Variants in TNR observed in about 807,000 individuals in gnomAD.
The protein encoded by TNR is tenascin R, also known as tenascin-R.
Under a neutral mutation model 150.4 loss-of-function variants are expected in TNR, and 45 were observed. That is an observed-to-expected ratio of 0.30 (90% CI 0.24 to 0.38). The LOEUF (loss-of-function observed/expected upper bound fraction) is 0.38, where lower values mean the gene tolerates loss of function less well. Among genes scored for constraint, TNR ranks in the 10% least tolerant of loss-of-function variants. TNR has a pLI of 1.00. For missense variants in TNR, 1,544 were observed against 1,759.1 expected, an observed-to-expected ratio of 0.88 and a Z score of 2.19; for synonymous variants, 687 against 678.4, an observed-to-expected ratio of 1.01 and a Z score of -0.20.
rs139726183 is a variant in TNR, at chr1:175,440,478, G to A, written c.-63-33701C>T. ...CAACATGGCACATGTATATACATAT[G>A]TAACAAACCTGTATGTTGTGCACAT... On this transcript the variant is annotated intron_variant, in intron 2 of 22. Coordinates refer to ENST00000367674, the MANE Select transcript of TNR (RefSeq NM_003285.3). Among the ~76,000 whole-genome samples the A allele has an allele frequency of 9.5e-3, 1,447 of 151,678 alleles. 39 individuals carry two copies. The highest frequency in any genetic ancestry group is 0.033 in the African/African-American group (1,368 of 41,252).
At chr1:175,509,291 G>A (rs1437480335) in intron 2 of TNR, among the ~76,000 whole-genome samples, 6 of 152,304 alleles carry the variant, frequency 3.9e-5, no homozygotes, top group South Asian at 2.1e-4. Context: ...ACCTGGTGAA[G>A]TTACTTAAGC....
At chr1:175,699,884 G>C (rs59878906) in intron 1 of TNR, among the ~76,000 whole-genome samples, 7,917 of 151,956 alleles carry the variant, frequency 0.052, 284 homozygotes, top group African/African-American at 0.09. Context: ...CTCCCTTCCT[G>C]GTATTTGTAT....
rs571566418 is a variant in TNR at position 175,366,516 on chromosome 1, C to A, written c.2054-378G>T. 2.6e-5 allele frequency among the ~76,000 whole-genome samples: 4 copies of A among 152,328 alleles called. No individual in the cohort carries two copies. The South Asian group carries it at 8.3e-4, about 32-fold the overall frequency. On this transcript the variant is annotated intron_variant, in intron 10 of 22. Transcript: ENST00000367674. ...GATATGCCATTCCTGGCAACAGAAG[C>A]GCACCACCCTCCAACCCTGAGGCTA...
In TNR at chr1:175,396,545, G is replaced by C; in HGVS notation, c.1239C>G (p.Thr413=). The change falls in exon 5 of 23, where the codon ACC becomes ACG. Residue 413 remains threonine, a splice_region_variant and synonymous_variant. Coordinates refer to ENST00000367674, the MANE Select transcript of TNR (RefSeq NM_003285.3). ...GCAGGACGGGGAAATGGTACGTACGGGTGGCCACCTTGGCAGTGATGGGAA... is the reference window on the plus strand; with the variant it reads ...GCAGGACGGGGAAATGGTACGTACGCGTGGCCACCTTGGCAGTGATGGGAA... ...LSLPITAKVA[T]HLSTPQGLQF... is the part of the protein sequence containing the mutation. The C allele has an allele frequency of 1.2e-6, 2 of 1,613,494 alleles. No homozygotes were observed. The highest frequency in any genetic ancestry group is 1.7e-6 in the Non-Finnish European group (2 of 1,179,504).
At chr1:175,419,006 A>G (rs754777144) in intron 2 of TNR, among the ~76,000 whole-genome samples, 2 of 152,236 alleles carry the variant, frequency 1.3e-5, no homozygotes, top group Admixed American at 1.3e-4. Flanking sequence ...CCTGAAAAAC[A>G]TAAAAGATTT....
chr1:175,456,700 T>G (rs1302917911), intron 2 of TNR, among the ~76,000 whole-genome samples: 1 of 152,182 alleles, frequency 6.6e-6, no homozygotes, highest in Non-Finnish European at 1.5e-5. Context: ...ATGGCCCATG[T>G]TCAGCACAAT....
At chr1:175,635,697 C>A (rs1007604091) in intron 1 of TNR, among the ~76,000 whole-genome samples, 1 of 152,154 alleles carries the variant, frequency 6.6e-6, no homozygotes, top group Non-Finnish European at 1.5e-5. Flanking sequence ...ATTATCTACA[C>A]TCCTGTGTGA....
intron 2 of TNR, among the ~76,000 whole-genome samples, chr1:175,498,606 ATTC>A (rs1227670037): frequency 6.6e-6 from 1 of 152,134 alleles, no homozygotes; most frequent in Non-Finnish European, 1.5e-5. Context: ...TCACTCTTCT[ATTC>A]TTGTGTTTTT....
At chr1:175,729,787 C>G (rs1667584269) in intron 1 of TNR, among the ~76,000 whole-genome samples, 1 of 152,156 alleles carries the variant, frequency 6.6e-6, no homozygotes, top group African/African-American at 2.4e-5. Context: ...AAGAAGAGCA[C>G]AGCATCCCCT....
intron 2 of TNR, among the ~76,000 whole-genome samples, chr1:175,523,244 A>G (rs544085995): frequency 2.0e-5 from 3 of 152,232 alleles, no homozygotes; most frequent in African/African-American, 7.2e-5. Flanking sequence ...AACCTGAAGA[A>G]CTGCAAAGGT....
At chr1:175,463,940 G>A (rs963832815) in intron 2 of TNR, among the ~76,000 whole-genome samples, 13 of 152,208 alleles carry the variant, frequency 8.5e-5, no homozygotes, top group African/African-American at 2.4e-4. Flanking sequence ...AAAGCAGAAG[G>A]CTGCCAAGGA....
chr1:175,468,041 C>T lies in TNR; in HGVS notation c.-64+60228G>A, dbSNP rs182770527. On this transcript the variant is annotated intron_variant, in intron 2 of 22. Coordinates refer to ENST00000367674, the MANE Select transcript of TNR (RefSeq NM_003285.3). ...CAGAGAAAGCTTATGCTCAGCTCCA[C>T]GCCTGCAGACATGTGGAGATGAAGG... is the stretch of plus-strand genomic sequence containing the variant. Among the ~76,000 whole-genome samples the T allele has an allele frequency of 3.3e-4, 50 of 152,296 alleles. 1 individual carries two copies. Among genetic ancestry groups the T allele is most frequent in the Admixed American group, 1.4e-3 (21 of 15,308 alleles).
Position 175,717,850 on chromosome 1 carries a change from G to GCA in TNR, c.-165+25374_-165+25375dup, listed in dbSNP as rs376373689. ...GGTGTCCTCATGGGTGAGCGCACAT[G>GCA]CACACACACACACACAGCTAATAAA... On this transcript the variant is annotated intron_variant, in intron 1 of 22. Coordinates refer to ENST00000367674, the MANE Select transcript of TNR (RefSeq NM_003285.3). Among the ~76,000 whole-genome samples the GCA allele has an allele frequency of 2.8e-3, 426 of 151,282 alleles. 5 individuals carry two copies. The highest frequency in any genetic ancestry group is 9.3e-3 in the African/African-American group (383 of 41,344).
At position 175,451,658 on chromosome 1, in the gene TNR, C is replaced by T. The variant is rs984682939; in HGVS notation, c.-63-44881G>A. On this transcript the variant is annotated intron_variant, in intron 2 of 22. Transcript: ENST00000367674. The stretch of plus-strand genomic sequence containing the variant: ...GTGGAACCTGCTGAAAGTAGTGCGG[C>T]GGCTGGCATTCCCTCAGCCCTTTAT... 4.6e-5 allele frequency among the ~76,000 whole-genome samples: 7 copies of T among 152,304 alleles called. No homozygotes were observed. In the South Asian group the frequency reaches 6.2e-4, roughly 14 times the overall value.
rs77995918 is a variant in TNR, at chr1:175,723,630, G to A, written c.-165+19596C>T. On this transcript the variant is annotated intron_variant, in intron 1 of 22. Coordinates refer to ENST00000367674, the MANE Select transcript of TNR (RefSeq NM_003285.3). ...CTCATGCCTGTAATCTCAACAATTT[G>A]GGAGGCCGAAGCGAGTGGACCACTT... Among the ~76,000 whole-genome samples, 11 of 152,288 alleles carry A rather than the reference G, an allele frequency of 7.2e-5. No individual in the cohort carries two copies. In the East Asian group the frequency reaches 2.1e-3, roughly 29 times the overall value.
chr1:175,411,167 G>A (rs183544779), intron 2 of TNR, among the ~76,000 whole-genome samples: 58 of 152,268 alleles, frequency 3.8e-4, no homozygotes, highest in Non-Finnish European at 6.5e-4. Flanking sequence ...TCAAAATACA[G>A]ACTAGCATTG....
intron 2 of TNR, among the ~76,000 whole-genome samples, chr1:175,515,625 G>A (rs1201112231): frequency 6.6e-6 from 1 of 152,208 alleles, no homozygotes; most frequent in Non-Finnish European, 1.5e-5. Flanking sequence ...GACAAGCCTG[G>A]TCCTGAATTG....
intron 19 of TNR, among the ~76,000 whole-genome samples, chr1:175,337,021 T>C (rs1214085963): frequency 2.0e-5 from 3 of 152,140 alleles, no homozygotes; most frequent in African/African-American, 7.2e-5. Context: ...GCCTCCAGAG[T>C]AGCTGGGACT....
chr1:175,496,436 G>A (rs1024783982), intron 2 of TNR, among the ~76,000 whole-genome samples: 4 of 152,170 alleles, frequency 2.6e-5, no homozygotes, highest in East Asian at 1.9e-4. Flanking sequence ...TGGCTGGCAC[G>A]TACTCTTCTT....
Sources: gnomAD v4.1 joint callset for allele counts (sites outside exome capture counted in the v4.1 genomes callset) on GRCh38, gnomAD v4.1.1 for gene constraint, MANE v1.5 for transcripts, NCBI Gene and HGNC (gene_info 2026-07-23, HGNC 2026-07-21) for gene names.